The following MTBP variants were observed in gnomAD, a reference collection of about 807,000 sequenced individuals.
MTBP encodes mdm2-binding protein.
In MTBP, 101 loss-of-function variants were observed where a neutral mutation model predicts 117.0. The observed-to-expected ratio is 0.86, with a 90% CI of 0.73 to 1.02. The LOEUF is 1.02. Ranked by LOEUF, MTBP falls within the 50% of genes least tolerant of loss-of-function variation. The pLI, the probability that MTBP is intolerant of heterozygous loss-of-function variation, is 0.00. For synonymous variants in MTBP, 350 were observed against 351.5 expected (o/e 1.00, Z 0.05); for missense variants, 970 against 1,030.9 (o/e 0.94, Z 0.81).
In MTBP at chr8:120,451,228, G is replaced by C; in HGVS notation, c.331G>C (p.Asp111His). The change falls in exon 4 of 22, where the codon GAT becomes CAT. Residue 111 changes from aspartate to histidine, a missense_variant. Physicochemically the swap from Asp to His is moderately conservative, Grantham distance 81. Coordinates refer to ENST00000305949, the MANE Select transcript of MTBP (RefSeq NM_022045.5). Reference sequence around the variant, plus strand: ...TGATACAGAAAAAGATAAAATTGAAGATGTTCTTCAAACGAATATCGAAGA... The same window carrying C: ...TGATACAGAAAAAGATAAAATTGAACATGTTCTTCAAACGAATATCGAAGA... ...HFDTEKDKIE[D>H]VLQTNIEECL... 1 of 1,611,322 alleles carries C rather than the reference G, an allele frequency of 6.2e-7. No individual in the cohort carries two copies. Among genetic ancestry groups the C allele is most frequent in the Non-Finnish European group, 8.5e-7 (1 of 1,178,050 alleles).
intron 18 of MTBP, 50 bp from the exon 19 acceptor site, chr8:120,517,801 A>T: frequency 6.5e-7 from 1 of 1,542,388 alleles, no homozygotes; most frequent in Admixed American, 1.9e-5. Flanking sequence ...ATGAACTTCG[A>T]TGTTGATTCG....
chr8:120,459,355 C>A lies in MTBP; in HGVS notation c.882+6C>A. 1 of 1,589,496 alleles carries A rather than the reference C, an allele frequency of 6.3e-7. No homozygotes were observed. The highest frequency in any genetic ancestry group is 8.5e-7 in the Non-Finnish European group (1 of 1,170,728). On this transcript the variant is annotated splice_donor_region_variant and intron_variant, in intron 8 of 21. Transcript: ENST00000305949. ...ATAAGAATATTTTGCCAAAGGTAAT[C>A]GTGTTTAATTTTTTTGTGTGATCAT...
chr8:120,474,306 A>G (rs1037003613), intron 11 of MTBP, among the ~76,000 whole-genome samples: 4 of 152,016 alleles, frequency 2.6e-5, no homozygotes, highest in Non-Finnish European at 5.9e-5. Flanking sequence ...ATCAAACTGG[A>G]CAGTTGATTA....
chr8:120,507,753 A>T (rs1023009442), intron 16 of MTBP, among the ~76,000 whole-genome samples: 6 of 152,170 alleles, frequency 3.9e-5, no homozygotes, highest in African/African-American at 1.4e-4. Flanking sequence ...GAGAGTCTTA[A>T]TGACTTAATG....
intron 4 of MTBP, 172 bp downstream of exon 4, chr8:120,451,494 G>C: frequency 1.9e-6 from 1 of 539,356 alleles, no homozygotes; most frequent in South Asian, 2.8e-5. Flanking sequence ...TCTTTAAAAT[G>C]CATGTTTCTT....
At chr8:120,445,902 T>A (rs1813215057) in intron 1 of MTBP, among the ~76,000 whole-genome samples, 1 of 152,208 alleles carries the variant, frequency 6.6e-6, no homozygotes, top group Non-Finnish European at 1.5e-5. Flanking sequence ...TCTGCTCCTG[T>A]GTTTCACATG....
At chr8:120,482,989 G>A (rs528483127) in intron 11 of MTBP, among the ~76,000 whole-genome samples, 5 of 150,742 alleles carry the variant, frequency 3.3e-5, no homozygotes, top group African/African-American at 1.2e-4. Flanking sequence ...ATGAGCCACC[G>A]CACCCGGACA....
At chr8:120,478,669 GA>G (rs1352846988) in intron 11 of MTBP, among the ~76,000 whole-genome samples, 1 of 152,156 alleles carries the variant, frequency 6.6e-6, no homozygotes, top group Non-Finnish European at 1.5e-5. Flanking sequence ...AGAGGGACTA[GA>G]TAATGACTGA....
Position 120,451,314 on chromosome 8 carries a change from C to T in MTBP, c.417C>T (p.Ser139=). 1 of 1,611,978 alleles carries T rather than the reference C, an allele frequency of 6.2e-7. No homozygotes were observed. The highest frequency in any genetic ancestry group is 8.5e-7 in the Non-Finnish European group (1 of 1,178,472). The stretch of plus-strand genomic sequence containing the variant: ...ACAGTAATAGCAGGGAATCATTATC[C>T]TTGGCTGAGTATGCTTATATGGTTT... ...EEDSNSRESL[S]LADLYEEAAE... Residue 139 remains serine (S), a synonymous_variant, in exon 4 of 22, where the codon TCC becomes TCT. Transcript: ENST00000305949.
intron 13 of MTBP, among the ~76,000 whole-genome samples, chr8:120,494,402 G>A (rs1050064016): frequency 7.9e-5 from 12 of 152,162 alleles, no homozygotes; most frequent in Admixed American, 2.0e-4. Context: ...GTGATACATG[G>A]ATATAGTTTG....
intron 11 of MTBP, chr8:120,471,988 T>C (rs1563791126): frequency 6.6e-6 from 1 of 152,230 alleles, no homozygotes. Context: ...CAAAGTCACA[T>C]TGGTGAAGTG....
intron 5 of MTBP, among the ~76,000 whole-genome samples, chr8:120,454,157 T>G (rs1813420888): frequency 6.6e-6 from 1 of 152,128 alleles, no homozygotes. Context: ...CTATCTCTGT[T>G]TCTTTAGTTA....
At chr8:120,462,596 C>T (rs1201114594) in intron 9 of MTBP, among the ~76,000 whole-genome samples, 1 of 152,210 alleles carries the variant, frequency 6.6e-6, no homozygotes, top group East Asian at 1.9e-4. Context: ...GGCAGTATAA[C>T]TAGACGTTAC....
Position 120,445,462 on chromosome 8 carries a change from T to A in MTBP, c.-9T>A. Reference sequence around the variant, plus strand: ...CGAGACCTAAAGTTGGGGGGTGATCTCTGAGGAGATGGATCGGTACCTGCT... The same window carrying A: ...CGAGACCTAAAGTTGGGGGGTGATCACTGAGGAGATGGATCGGTACCTGCT... On this transcript the variant is annotated 5_prime_UTR_variant, in exon 1 of 22. Transcript: ENST00000305949. 1 of 1,611,654 alleles carries A rather than the reference T, an allele frequency of 6.2e-7. No individual in the cohort carries two copies. Among genetic ancestry groups the A allele is most frequent in the Non-Finnish European group, 8.5e-7 (1 of 1,178,652 alleles).
intron 7 of MTBP, 141 bp from the exon 8 acceptor site, chr8:120,459,074 A>G: frequency 1.5e-6 from 1 of 670,844 alleles, no homozygotes; most frequent in South Asian, 2.1e-5. Context: ...CCTAAATGTG[A>G]GAAGCACACT....
intron 11 of MTBP, among the ~76,000 whole-genome samples, chr8:120,485,438 A>C (rs552586863): frequency 1.3e-5 from 2 of 151,990 alleles, no homozygotes; most frequent in African/African-American, 4.8e-5. Flanking sequence ...TTTTAAGTTT[A>C]TTGTACTTTT....
chr8:120,471,222 C>G (rs1343596963), intron 11 of MTBP: 1 of 222,596 alleles, frequency 4.5e-6, no homozygotes, highest in Non-Finnish European at 8.7e-6. Flanking sequence ...TTTCAGGAAT[C>G]AAATTTGTGA....
chr8:120,513,177 A>G (rs1563805707), intron 17 of MTBP, among the ~76,000 whole-genome samples: 3 of 152,088 alleles, frequency 2.0e-5, no homozygotes, highest in Non-Finnish European at 4.4e-5. Flanking sequence ...TCTGACAATC[A>G]TTTGATCACA....
intron 13 of MTBP, among the ~76,000 whole-genome samples, chr8:120,497,151 C>T (rs1814483496): frequency 6.6e-6 from 1 of 152,138 alleles, no homozygotes; most frequent in South Asian, 2.1e-4. Flanking sequence ...AGTAAACCTG[C>T]CTTTATCTGT....
Sources: allele counts gnomAD v4.1 joint callset (sites outside exome capture counted in the v4.1 genomes callset), GRCh38; gene constraint gnomAD v4.1.1; transcripts MANE v1.5; gene names NCBI Gene and HGNC (gene_info 2026-07-23, HGNC 2026-07-21).